Variants in HS6ST3 observed in about 807,000 individuals in gnomAD.
HS6ST3 encodes heparan sulfate 6-O-sulfotransferase 3.
A neutral mutation model predicts 36.7 loss-of-function variants in HS6ST3; 12 were observed. That is an observed-to-expected ratio of 0.33 (90% confidence interval 0.21 to 0.53). HS6ST3 has a LOEUF of 0.53. Ranked by LOEUF, HS6ST3 falls within the 20% of genes least tolerant of loss-of-function variation. HS6ST3 has a pLI of 0.95. For synonymous variants in HS6ST3, 240 were observed against 257.5 expected, an observed-to-expected ratio of 0.93 and a Z score of 0.65; for missense variants, 584 against 640.9, an observed-to-expected ratio of 0.91 and a Z score of 0.96.
chr13:96,810,756 C>T (rs1878300982), intron 1 of HS6ST3, among the ~76,000 whole-genome samples: 1 of 152,144 alleles, frequency 6.6e-6, no homozygotes, highest in African/African-American at 2.4e-5. Flanking sequence ...CAACTGAGAG[C>T]TTGCATGTGT....
chr13:96,098,498 T>G (rs2053802250), intron 1 of HS6ST3, among the ~76,000 whole-genome samples: 1 of 152,088 alleles, frequency 6.6e-6, no homozygotes, highest in Non-Finnish European at 1.5e-5. Context: ...AGTGCTTGAT[T>G]TGTGACCGTA....
At chr13:96,209,995 A>G (rs2054390992) in intron 1 of HS6ST3, among the ~76,000 whole-genome samples, 2 of 152,146 alleles carry the variant, frequency 1.3e-5, no homozygotes, top group African/African-American at 2.4e-5. Flanking sequence ...GTGAGAACAG[A>G]TCTTCCTGGT....
chr13:96,583,850 G>A lies in HS6ST3; in HGVS notation c.708-248640G>A, dbSNP rs145572595. Among the ~76,000 whole-genome samples the A allele has an allele frequency of 2.6e-5, 4 of 152,216 alleles. No homozygotes were observed. In the East Asian group the frequency reaches 7.7e-4, roughly 29 times the overall value. ...TGAGTTTCTCAACCTCTACGCTATTGAGATTTTGGATTGTCTAATTCTTTG... is the reference window on the plus strand; with the variant it reads ...TGAGTTTCTCAACCTCTACGCTATTAAGATTTTGGATTGTCTAATTCTTTG... On this transcript the variant is annotated intron_variant, in intron 1 of 1. Coordinates refer to ENST00000376705, the MANE Select transcript of HS6ST3 (RefSeq NM_153456.4).
intron 1 of HS6ST3, among the ~76,000 whole-genome samples, chr13:96,221,950 T>TAAG (rs2054457754): frequency 6.6e-6 from 1 of 152,214 alleles, no homozygotes; most frequent in African/African-American, 2.4e-5. Flanking sequence ...ATAAATGTTC[T>TAAG]TTTAAGATGG....
chr13:96,398,165 G>C (rs1296202163), intron 1 of HS6ST3, among the ~76,000 whole-genome samples: 6 of 152,182 alleles, frequency 3.9e-5, no homozygotes, highest in South Asian at 2.1e-4. Flanking sequence ...CACTGCGTAG[G>C]AAGTGCTGAA....
chr13:96,605,844 G>A (rs1207105751), intron 1 of HS6ST3, among the ~76,000 whole-genome samples: 5 of 145,824 alleles, frequency 3.4e-5, no homozygotes, highest in Non-Finnish European at 6.0e-5. Context: ...TGCATCCAGC[G>A]AAGGACTAGT....
chr13:96,477,596 C>T (rs758463075), intron 1 of HS6ST3, among the ~76,000 whole-genome samples: 9 of 152,094 alleles, frequency 5.9e-5, no homozygotes, highest in South Asian at 2.1e-4. Flanking sequence ...CGGCCGGGCA[C>T]GGTGGCCTCA....
At chr13:96,448,206 A>G (rs947717983) in intron 1 of HS6ST3, among the ~76,000 whole-genome samples, 3 of 152,120 alleles carry the variant, frequency 2.0e-5, no homozygotes, top group African/African-American at 7.2e-5. Flanking sequence ...TTTCTTGGTT[A>G]CCTTTAAAAA....
intron 1 of HS6ST3, among the ~76,000 whole-genome samples, chr13:96,746,339 A>G (rs1232417663): frequency 6.6e-6 from 1 of 152,056 alleles, no homozygotes; most frequent in Non-Finnish European, 1.5e-5. Flanking sequence ...CCTAAATTCT[A>G]TTACTTTTAC....
intron 1 of HS6ST3, among the ~76,000 whole-genome samples, chr13:96,111,848 T>A (rs1437091056): frequency 1.3e-5 from 2 of 152,172 alleles, no homozygotes; most frequent in African/African-American, 4.8e-5. Flanking sequence ...TGGAGATAAA[T>A]TGAGGCTTGA....
At chr13:96,819,190 T>C (rs1008444812) in intron 1 of HS6ST3, among the ~76,000 whole-genome samples, 40 of 152,204 alleles carry the variant, frequency 2.6e-4, no homozygotes, top group African/African-American at 8.9e-4. Context: ...TTCCAGCTAA[T>C]AAATGAAAAA....
intron 1 of HS6ST3, among the ~76,000 whole-genome samples, chr13:96,719,523 A>G (rs1875793099): frequency 6.6e-6 from 1 of 152,180 alleles, no homozygotes; most frequent in Non-Finnish European, 1.5e-5. Context: ...ACAAGCTTGA[A>G]AGTGCTATTT....
chr13:96,617,290 A>G lies in HS6ST3; in HGVS notation c.708-215200A>G, dbSNP rs34742378. Among the ~76,000 whole-genome samples the G allele has an allele frequency of 2.0e-3, 309 of 152,332 alleles. 2 individuals are homozygous for G. Among genetic ancestry groups the G allele is most frequent in the Middle Eastern group, 6.8e-3 (2 of 292 alleles). On this transcript the variant is annotated intron_variant, in intron 1 of 1. Coordinates refer to ENST00000376705, the MANE Select transcript of HS6ST3 (RefSeq NM_153456.4). Reference sequence around the variant, plus strand: ...TAGTCTCTTAGTTTTTGTCCCTTACATGGTAAATCCATTTTCTTGGCTTCT... The same window carrying G: ...TAGTCTCTTAGTTTTTGTCCCTTACGTGGTAAATCCATTTTCTTGGCTTCT...
At chr13:96,677,137 A>G (rs2056701397) in intron 1 of HS6ST3, among the ~76,000 whole-genome samples, 1 of 152,190 alleles carries the variant, frequency 6.6e-6, no homozygotes, top group South Asian at 2.1e-4. Flanking sequence ...CTTAGGTTAC[A>G]TTATATGGGG....
intron 1 of HS6ST3, among the ~76,000 whole-genome samples, chr13:96,554,464 C>G (rs1160689282): frequency 6.6e-6 from 1 of 152,154 alleles, no homozygotes; most frequent in African/African-American, 2.4e-5. Context: ...TAAAAGCTGA[C>G]AGAAGTCCCC....
intron 1 of HS6ST3, among the ~76,000 whole-genome samples, chr13:96,683,212 A>G (rs1255602020): frequency 1.3e-5 from 2 of 152,106 alleles, no homozygotes; most frequent in African/African-American, 2.4e-5. Flanking sequence ...CCAGCTATAT[A>G]TAACTGCTCC....
chr13:96,611,050 T>C (rs1339662089), intron 1 of HS6ST3, among the ~76,000 whole-genome samples: 1 of 151,526 alleles, frequency 6.6e-6, no homozygotes, highest in Non-Finnish European at 1.5e-5. Context: ...TTTTCAGTGT[T>C]ACCTTTCTTT....
chr13:96,593,805 C>T (rs908466159), intron 1 of HS6ST3, among the ~76,000 whole-genome samples: 1 of 151,870 alleles, frequency 6.6e-6, no homozygotes, highest in Non-Finnish European at 1.5e-5. Flanking sequence ...TTTTTGCAGA[C>T]TTAAATTCTA....
At chr13:96,605,505 C>T (rs1453533441) in intron 1 of HS6ST3, among the ~76,000 whole-genome samples, 1 of 152,056 alleles carries the variant, frequency 6.6e-6, no homozygotes, top group Non-Finnish European at 1.5e-5. Context: ...TGTCCTAAGT[C>T]TCTTGGTCCC....
Sources: gnomAD v4.1 joint callset for allele counts (sites outside exome capture counted in the v4.1 genomes callset) on GRCh38, gnomAD v4.1.1 for gene constraint, MANE v1.5 for transcripts, NCBI Gene and HGNC (gene_info 2026-07-23, HGNC 2026-07-21) for gene names.